The following SPTAN1 variants were observed in gnomAD, a reference collection of about 807,000 sequenced individuals.
SPTAN1 encodes the protein spectrin alpha chain, non-erythrocytic 1.
Under a neutral mutation model 331.3 loss-of-function variants are expected in SPTAN1, and 61 were observed. The ratio of observed to expected loss-of-function variants is 0.18; its 90% CI spans 0.15 to 0.23. The LOEUF (loss-of-function observed/expected upper bound fraction) is 0.23. Among genes scored for constraint, SPTAN1 ranks in the 10% least tolerant of loss-of-function variants. SPTAN1 has a pLI of 1.00. For synonymous variants in SPTAN1, 1,153 were observed against 1,173.9 expected (o/e 0.98, Z 0.36); for missense variants, 2,043 against 3,147.9 (o/e 0.65, Z 8.40).
At chr9:128,603,467 C>G (rs1855431833) in intron 27 of SPTAN1, 76 bp from the exon 28 acceptor site, 1 of 1,546,604 alleles carries the variant, frequency 6.5e-7, no homozygotes, top group Non-Finnish European at 8.9e-7. Context: ...GGGACCTAAT[C>G]AATGACACTT....
chr9:128,631,825 T>C (rs1487788037), intron 52 of SPTAN1: 5 of 392,962 alleles, frequency 1.3e-5, no homozygotes, highest in Admixed American at 8.3e-5. Flanking sequence ...CTCAAAAAAA[T>C]TTATAAAAAT....
chr9:128,613,339 A>T (rs778930540), intron 39 of SPTAN1, 42 bp from the exon 40 acceptor site: 14 of 1,556,804 alleles, frequency 9.0e-6, no homozygotes, highest in Non-Finnish European at 1.2e-5. Flanking sequence ...TGCTGAGTAT[A>T]CACCACACAG....
chr9:128,633,318 C>G lies in SPTAN1; in HGVS notation c.7418C>G (p.Ser2473Trp). 3 of 1,613,932 alleles carry G rather than the reference C, an allele frequency of 1.9e-6. No individual in the cohort carries two copies. The highest frequency in any genetic ancestry group is 2.5e-6 in the Non-Finnish European group (3 of 1,180,036). ...TTCGACTACGTGGAGTTCACCCGCTCGCTTTTCGTGAACTGAGCCACTCCC... is the reference window on the plus strand; with the variant it reads ...TTCGACTACGTGGAGTTCACCCGCTGGCTTTTCGTGAACTGAGCCACTCCC... ...TAFDYVEFTR[S>W]LFVN The change falls in exon 57 of 57, where the codon TCG becomes TGG. Residue 2473 changes from serine (S) to tryptophan (W), a missense_variant. By Grantham distance (177) the Ser-to-Trp change is radical. Coordinates refer to ENST00000372739, the MANE Select transcript of SPTAN1 (RefSeq NM_001130438.3).
intron 48 of SPTAN1, 118 bp from the exon 49 acceptor site, chr9:128,626,273 C>T (rs544894986): frequency 2.3e-6 from 3 of 1,293,150 alleles, no homozygotes; most frequent in African/African-American, 1.5e-5. Context: ...GGGAGCTAAG[C>T]TCCCAGCAGG....
Position 128,633,271 on chromosome 9 carries a change from G to A in SPTAN1, c.7371G>A (p.Lys2457=). 6.2e-7 allele frequency: 1 copy of A among 1,614,058 alleles called. No homozygotes were observed. Among genetic ancestry groups the A allele is most frequent in the Middle Eastern group, 1.6e-4 (1 of 6,062 alleles). ...ACATGAAGCCCTACGTGGACGGCAA[G>A]GGCCGCGAGCTCCCCACCGCGTTCG... is the stretch of plus-strand genomic sequence containing the variant. The part of the protein sequence containing the change: ...VSHMKPYVDG[K]GRELPTAFDY... Residue 2457 remains lysine, a synonymous_variant, in exon 57 of 57, where the codon AAG becomes AAA. Transcript: ENST00000372739.
At chr9:128,606,529 G>C (rs986031668) in intron 31 of SPTAN1, among the ~76,000 whole-genome samples, 1 of 149,938 alleles carries the variant, frequency 6.7e-6, no homozygotes, top group African/African-American at 2.5e-5. Context: ...TTGTGCCCAG[G>C]CTGGAGTGCA....
At position 128,613,384 on chromosome 9, in the gene SPTAN1, G is replaced by A; in HGVS notation, c.5047G>A (p.Glu1683Lys). ...KDFDFWLSEV[E>K]ALLASEDYGK... ...CTTTTTGTGTTTTCATTGCCAGGTG[G>A]AGGCCCTGCTGGCATCCGAAGATTA... Residue 1683 changes from glutamate (E) to lysine (K), a missense_variant, in exon 40 of 57, where the codon GAG becomes AAG. Coordinates refer to ENST00000372739, the MANE Select transcript of SPTAN1 (RefSeq NM_001130438.3). The A allele has an allele frequency of 6.2e-7, 1 of 1,614,072 alleles. No homozygotes were observed. Among genetic ancestry groups the A allele is most frequent in the Non-Finnish European group, 8.5e-7 (1 of 1,179,890 alleles).
chr9:128,570,345 T>A (rs1315673981), intron 3 of SPTAN1, among the ~76,000 whole-genome samples: 12 of 83,446 alleles, frequency 1.4e-4, no homozygotes, highest in East Asian at 1.4e-3. Flanking sequence ...TTTTTTTTTT[T>A]TTTTTTTTTG....
At chr9:128,611,526 T>C (rs916453813) in intron 37 of SPTAN1, 188 bp from the exon 38 acceptor site, 3 of 663,202 alleles carry the variant, frequency 4.5e-6, no homozygotes, top group African/African-American at 3.6e-5. Context: ...CTTCCTCCTT[T>C]GCTAACTCCC....
At chr9:128,578,835 G>GAA (rs10600950) in intron 9 of SPTAN1, among the ~76,000 whole-genome samples, 7 of 119,230 alleles carry the variant, frequency 5.9e-5, no homozygotes, top group Admixed American at 8.9e-5. Context: ...CTGTCTCAAA[G>GAA]AAAAAAAAAA....
At chr9:128,585,710 G>A (rs778570395) in intron 18 of SPTAN1, 38 bp from the exon 19 acceptor site, 13 of 1,542,982 alleles carry the variant, frequency 8.4e-6, no homozygotes, top group Admixed American at 6.7e-5. Context: ...ATGTGTCAAC[G>A]TAGTTTTTGT....
Position 128,577,112 on chromosome 9 carries a change from G to T in SPTAN1, c.786-17G>T, listed in dbSNP as rs367832791. The T allele has an allele frequency of 1.0e-4, 165 of 1,614,126 alleles. No individual in the cohort carries two copies. The African/African-American group carries it at 2.0e-3, about 19-fold the overall frequency. Reference sequence around the variant, plus strand: ...AGTCATCATTGCTGTGGATTAACTGGTGCCTTTGTTCTGTAGGGATGTGGA... The same window carrying T: ...AGTCATCATTGCTGTGGATTAACTGTTGCCTTTGTTCTGTAGGGATGTGGA... On this transcript the variant is annotated splice_polypyrimidine_tract_variant and intron_variant, in intron 6 of 56. Coordinates refer to ENST00000372739, the MANE Select transcript of SPTAN1 (RefSeq NM_001130438.3). The surrounding 1 kb of genome is among the most constrained non-coding windows in gnomAD (Gnocchi z 4.2).
At position 128,626,679 on chromosome 9, in the gene SPTAN1, A is replaced by G. The variant is rs755436331; in HGVS notation, c.6568A>G (p.Ile2190Val). The change falls in exon 49 of 57, where the codon ATC becomes GTC. Residue 2190 changes from isoleucine to valine, a missense_variant. Coordinates refer to ENST00000372739, the MANE Select transcript of SPTAN1 (RefSeq NM_001130438.3). ...LEETWRNLQK[I>V]IKERELELQK... ...GGAGACCTGGAGGAACCTACAGAAA[A>G]TCATCAAGGTACACCTCCCGCTGCC... 6.2e-7 allele frequency: 1 copy of G among 1,609,798 alleles called. No individual in the cohort carries two copies. Among genetic ancestry groups the G allele is most frequent in the East Asian group, 2.2e-5 (1 of 44,792 alleles).
chr9:128,557,494 G>A (rs1848769257), intron 1 of SPTAN1, among the ~76,000 whole-genome samples: 1 of 152,078 alleles, frequency 6.6e-6, no homozygotes, highest in African/African-American at 2.4e-5. Context: ...CCCACCCACT[G>A]CCTCTGCCTG....
At chr9:128,555,545 G>C (rs951989759) in intron 1 of SPTAN1, 10 of 466,194 alleles carry the variant, frequency 2.1e-5, no homozygotes, top group African/African-American at 1.9e-4. Flanking sequence ...AAACAAATTG[G>C]TTAGGATTTG....
intron 23 of SPTAN1, chr9:128,593,923 C>A: frequency 2.0e-6 from 1 of 508,284 alleles, no homozygotes; most frequent in Non-Finnish European, 3.6e-6. Flanking sequence ...CAGAATCGGC[C>A]TGGGGATAAG....
At chr9:128,593,840 G>T in intron 23 of SPTAN1, 1 of 365,508 alleles carries the variant, frequency 2.7e-6, no homozygotes, top group Admixed American at 3.7e-5. Context: ...TCTCTCCACT[G>T]TAGTTGCATG....
intron 39 of SPTAN1, among the ~76,000 whole-genome samples, chr9:128,612,919 C>A (rs1856730756): frequency 6.6e-6 from 1 of 150,636 alleles, no homozygotes; most frequent in Non-Finnish European, 1.5e-5. Context: ...AGCGAGACTT[C>A]ATCTCAAAAA....
Position 128,633,338 on chromosome 9 carries a change from A to C in SPTAN1, c.*4A>C. 1 of 1,613,426 alleles carries C rather than the reference A, an allele frequency of 6.2e-7. No individual in the cohort carries two copies. Among genetic ancestry groups the C allele is most frequent in the Non-Finnish European group, 8.5e-7 (1 of 1,179,982 alleles). On this transcript the variant is annotated 3_prime_UTR_variant, in exon 57 of 57. Coordinates refer to ENST00000372739, the MANE Select transcript of SPTAN1 (RefSeq NM_001130438.3). Reference sequence around the variant, plus strand: ...CCGCTCGCTTTTCGTGAACTGAGCCACTCCCTGGGTCACCCACCCCTCGCT... The same window carrying C: ...CCGCTCGCTTTTCGTGAACTGAGCCCCTCCCTGGGTCACCCACCCCTCGCT...
Sources: gnomAD v4.1 joint callset for allele counts (sites outside exome capture counted in the v4.1 genomes callset) on GRCh38, gnomAD v4.1.1 for gene constraint, Gnocchi (gnomAD v3.1) non-coding constraint, MANE v1.5 for transcripts, NCBI Gene and HGNC (gene_info 2026-07-23, HGNC 2026-07-21) for gene names.